UBE2R2: variants seen among roughly 807,000 people sequenced by gnomAD.
UBE2R2 encodes ubiquitin-conjugating enzyme E2 R2.
Under a neutral mutation model 27.8 loss-of-function variants are expected in UBE2R2, and 1 was observed. The observed-to-expected ratio is 0.04, with a 90% CI of 0.01 to 0.17. The LOEUF (loss-of-function observed/expected upper bound fraction) is 0.17, where lower values mean the gene tolerates loss of function less well. Among genes scored for constraint, UBE2R2 ranks in the 10% least tolerant of loss-of-function variants. The probability of loss-of-function intolerance (pLI) is 1.00; values close to 1 mark genes in which losing one functional copy is unlikely to be tolerated. For missense variants in UBE2R2, 100 were observed against 291.0 expected (o/e 0.34, Z 4.78); for synonymous variants, 106 against 113.3 (o/e 0.94, Z 0.41).
At chr9:33,870,569 G>T (rs983699367) in intron 1 of UBE2R2, among the ~76,000 whole-genome samples, 1 of 152,160 alleles carries the variant, frequency 6.6e-6, no homozygotes. Context: ...GAGTAGAAAA[G>T]TTAGAGCATT....
At chr9:33,841,331 C>T (rs140246816) in intron 1 of UBE2R2, among the ~76,000 whole-genome samples, 17 of 152,258 alleles carry the variant, frequency 1.1e-4, no homozygotes, top group Admixed American at 4.6e-4. Context: ...CCACCTGCCT[C>T]GGCCTCCCAA....
At chr9:33,899,490 C>T (rs1269552086) in intron 2 of UBE2R2, among the ~76,000 whole-genome samples, 3 of 150,282 alleles carry the variant, frequency 2.0e-5, no homozygotes, top group African/African-American at 4.9e-5. Context: ...TTCTCCTGCC[C>T]CAGCCTCCTG....
intron 1 of UBE2R2, among the ~76,000 whole-genome samples, chr9:33,876,312 C>T (rs1188511222): frequency 6.6e-6 from 1 of 151,776 alleles, no homozygotes; most frequent in African/African-American, 2.4e-5. Flanking sequence ...GCCAAGATTG[C>T]GCCAATGCAC....
chr9:33,907,898 G>A (rs1033685230), intron 3 of UBE2R2, among the ~76,000 whole-genome samples: 1 of 151,822 alleles, frequency 6.6e-6, no homozygotes, highest in Non-Finnish European at 1.5e-5. Flanking sequence ...GCACGATCTC[G>A]GCTCATTGCA....
At chr9:33,903,046 C>T (rs894573783) in intron 3 of UBE2R2, among the ~76,000 whole-genome samples, 4 of 151,974 alleles carry the variant, frequency 2.6e-5, no homozygotes, top group Admixed American at 2.0e-4. Context: ...TTGCGGTGAG[C>T]CAGGATCGTG....
chr9:33,817,130 C>T (rs1313625319), upstream of UBE2R2, among the ~76,000 whole-genome samples: 1 of 151,594 alleles, frequency 6.6e-6, no homozygotes, highest in Non-Finnish European at 1.5e-5. Context: ...TGCGCCCCTC[C>T]TCCCTCTCTC....
At chr9:33,831,957 G>A (rs12376055) in intron 1 of UBE2R2, among the ~76,000 whole-genome samples, 11,985 of 149,830 alleles carry the variant, frequency 0.08, 680 homozygotes, top group Non-Finnish European at 0.12. Flanking sequence ...CACCGCGCCC[G>A]ACCTGTGACC....
chr9:33,898,385 CTTCTT>C (rs1822170929), intron 2 of UBE2R2, among the ~76,000 whole-genome samples: 1 of 152,016 alleles, frequency 6.6e-6, no homozygotes, highest in African/African-American at 2.4e-5. Flanking sequence ...TGGCCTCTCT[CTTCTT>C]TTATCTGTAG....
chr9:33,912,145 T>C (rs1209217837), intron 4 of UBE2R2, 47 bp downstream of exon 4: 1 of 1,505,784 alleles, frequency 6.6e-7, no homozygotes, highest in Non-Finnish European at 9.1e-7. Flanking sequence ...AACCAAAATA[T>C]ATTCTGGAAC....
At chr9:33,861,847 CTTT>C (rs775634986) in intron 1 of UBE2R2, among the ~76,000 whole-genome samples, 2 of 95,446 alleles carry the variant, frequency 2.1e-5, no homozygotes, top group South Asian at 3.5e-4. Context: ...GATCCACTTT[CTTT>C]TTTTTTTTTT....
At chr9:33,891,189 A>G (rs2130800640) in intron 2 of UBE2R2, among the ~76,000 whole-genome samples, 1 of 151,560 alleles carries the variant, frequency 6.6e-6, no homozygotes, top group Non-Finnish European at 1.5e-5. Flanking sequence ...AGCTGGGATT[A>G]CAGGTGCCTG....
At chr9:33,831,664 A>T (rs1414216008) in intron 1 of UBE2R2, among the ~76,000 whole-genome samples, 2 of 150,288 alleles carry the variant, frequency 1.3e-5, no homozygotes, top group Non-Finnish European at 3.0e-5. Flanking sequence ...ATTTTATTTT[A>T]TTTGTTTGTT....
intron 1 of UBE2R2, among the ~76,000 whole-genome samples, chr9:33,860,163 G>T (rs1821198187): frequency 6.6e-6 from 1 of 150,932 alleles, no homozygotes; most frequent in Admixed American, 6.6e-5. Context: ...AAGTAATTAT[G>T]TAAAAGGAAG....
intron 1 of UBE2R2, among the ~76,000 whole-genome samples, chr9:33,867,691 T>C (rs1324771949): frequency 6.6e-6 from 1 of 152,254 alleles, no homozygotes; most frequent in Non-Finnish European, 1.5e-5. Flanking sequence ...GTGAAATGCC[T>C]GTTCAAGTCT....
rs560264001 is a variant in UBE2R2 at position 33,918,316 on chromosome 9, G to C, written c.*1079G>C. ...GTGTTAAGATTTCGGTTTTCATCGA[G>C]CTGCTTATACTGATAGTGAAAAACT... On this transcript the variant is annotated 3_prime_UTR_variant, in exon 5 of 5. Coordinates refer to ENST00000263228, the MANE Select transcript of UBE2R2 (RefSeq NM_017811.4). 61 of 152,120 alleles carry C rather than the reference G, an allele frequency of 4.0e-4. No individual in the cohort carries two copies. Among genetic ancestry groups the C allele is most frequent in the African/African-American group, 1.5e-3 (61 of 41,482 alleles). The allele number at this position is 152,120 out of a possible 1,614,324, so 9.4% of individuals were successfully genotyped here. A position where few individuals can be genotyped will look rare whatever the true frequency, so the allele number is the denominator to read the frequency against.
In UBE2R2 at chr9:33,832,515, C is replaced by T. The variant is rs951814967; in HGVS notation, c.177+14581C>T. On this transcript the variant is annotated intron_variant, in intron 1 of 4. Coordinates refer to ENST00000263228, the MANE Select transcript of UBE2R2 (RefSeq NM_017811.4). ...ACTAAAAATACAAAAAAATTAGCTG[C>T]GCTTCGCGGCCAGCACCTGTAGTTC... is the stretch of plus-strand genomic sequence containing the variant. 3.3e-5 allele frequency among the ~76,000 whole-genome samples: 5 copies of T among 151,648 alleles called. No individual in the cohort carries two copies. The East Asian group carries it at 7.8e-4, about 24-fold the overall frequency.
At chr9:33,858,337 G>GGAAGGTAGA (rs1821152783) in intron 1 of UBE2R2, among the ~76,000 whole-genome samples, 1 of 152,126 alleles carries the variant, frequency 6.6e-6, no homozygotes, top group African/African-American at 2.4e-5. Flanking sequence ...AAAGAAAATA[G>GGAAGGTAGA]GAAGGTAGAG....
intron 1 of UBE2R2, among the ~76,000 whole-genome samples, chr9:33,858,920 G>T (rs933520522): frequency 6.6e-6 from 1 of 151,972 alleles, no homozygotes; most frequent in Non-Finnish European, 1.5e-5. Flanking sequence ...TGCTCCCCTG[G>T]GTTCAAGCAG....
Position 33,885,485 on chromosome 9 carries a change from C to G in UBE2R2, c.178-1396C>G, listed in dbSNP as rs1821835419. The stretch of plus-strand genomic sequence containing the variant: ...CCAAATCCAATCATATGTAGACAGC[C>G]TTGCAAGTGGAGTTTTCTAGGGAAC... On this transcript the variant is annotated intron_variant, in intron 1 of 4. Transcript: ENST00000263228. 3.3e-5 allele frequency among the ~76,000 whole-genome samples: 5 copies of G among 152,304 alleles called. No homozygotes were observed. In the South Asian group the frequency reaches 1.0e-3, roughly 32 times the overall value.
Sources: allele counts gnomAD v4.1 joint callset (sites outside exome capture counted in the v4.1 genomes callset), GRCh38; gene constraint gnomAD v4.1.1; transcripts MANE v1.5; gene names NCBI Gene and HGNC (gene_info 2026-07-23, HGNC 2026-07-21).